Variants in ADAM22 observed in about 807,000 individuals in gnomAD.
The protein encoded by ADAM22 is ADAM metallopeptidase domain 22, also known as disintegrin and metalloproteinase domain-containing protein 22.
A neutral mutation model predicts 144.6 loss-of-function variants in ADAM22; 65 were observed. The ratio of observed to expected loss-of-function variants is 0.45; its 90% CI spans 0.37 to 0.55. ADAM22 has a LOEUF of 0.55. Ranked by LOEUF, ADAM22 falls within the 20% of genes least tolerant of loss-of-function variation. The pLI is 0.00. For synonymous variants in ADAM22, 391 were observed against 412.6 expected (o/e 0.95, Z 0.63); for missense variants, 974 against 1,184.9 (o/e 0.82, Z 2.61).
intron 3 of ADAM22, among the ~76,000 whole-genome samples, chr7:88,038,460 T>G (rs539333585): frequency 6.6e-6 from 1 of 151,670 alleles, no homozygotes; most frequent in Non-Finnish European, 1.5e-5. Flanking sequence ...TCTTTTTTTT[T>G]TTTTTTTCTT....
At chr7:88,036,721 A>G (rs1431958122) in intron 3 of ADAM22, among the ~76,000 whole-genome samples, 3 of 152,234 alleles carry the variant, frequency 2.0e-5, no homozygotes, top group Middle Eastern at 3.4e-3. Flanking sequence ...GTGAATTAGA[A>G]TAAAATGAAA....
chr7:87,937,457 A>G (rs777866177), intron 2 of ADAM22, among the ~76,000 whole-genome samples: 3 of 152,236 alleles, frequency 2.0e-5, no homozygotes, highest in Non-Finnish European at 2.9e-5. Flanking sequence ...AGACTGAGGG[A>G]AGAAGAGATA....
intron 2 of ADAM22, among the ~76,000 whole-genome samples, chr7:87,963,315 G>A (rs1265920896): frequency 6.6e-6 from 1 of 152,068 alleles, no homozygotes; most frequent in African/African-American, 2.4e-5. Context: ...GGGGAAGTTC[G>A]GAGCGACAAC....
intron 4 of ADAM22, among the ~76,000 whole-genome samples, chr7:88,101,334 T>C (rs1822866621): frequency 6.6e-6 from 1 of 151,954 alleles, no homozygotes; most frequent in Non-Finnish European, 1.5e-5. Flanking sequence ...CCAGTGCCCA[T>C]GGAGGGGGAG....
intron 23 of ADAM22, among the ~76,000 whole-genome samples, chr7:88,165,067 G>A (rs1842635738): frequency 6.6e-6 from 1 of 152,186 alleles, no homozygotes; most frequent in East Asian, 1.9e-4. Flanking sequence ...AGAAACCCCT[G>A]TAGTAAAAAC....
chr7:88,098,951 A>G (rs1469313618), intron 4 of ADAM22, among the ~76,000 whole-genome samples: 1 of 152,148 alleles, frequency 6.6e-6, no homozygotes, highest in Admixed American at 6.5e-5. Flanking sequence ...TTTAATGACT[A>G]TGTTGTTAGA....
rs58099116 is a variant in ADAM22, at chr7:88,113,703, AATATAT to A, written c.474-849_474-844del. Among the ~76,000 whole-genome samples the A allele has an allele frequency of 3.9e-3, 190 of 48,112 alleles. 4 individuals are homozygous for A. The East Asian group carries it at 0.058, about 15-fold the overall frequency. 31.6% of individuals were successfully genotyped at this position (48,112 alleles called of 152,430 possible). On this transcript the variant is annotated intron_variant, in intron 5 of 31. Coordinates refer to ENST00000413139, the MANE Select transcript of ADAM22 (RefSeq NM_001324418.2). ...TATATATATTATAAATAAATAAATA[AATATAT>A]ATATATATATATATATATATATATA...
chr7:88,083,112 G>T (rs554691411), intron 4 of ADAM22, among the ~76,000 whole-genome samples: 56 of 152,260 alleles, frequency 3.7e-4, no homozygotes, highest in Middle Eastern at 3.4e-3. Context: ...CGATAGACTG[G>T]ATTAAGAAAA....
intron 3 of ADAM22, among the ~76,000 whole-genome samples, chr7:87,995,303 C>T (rs1790894093): frequency 6.6e-6 from 1 of 152,126 alleles, no homozygotes. Flanking sequence ...TTTTGATATC[C>T]CTTTCCAAAG....
intron 4 of ADAM22, among the ~76,000 whole-genome samples, chr7:88,083,164 A>T (rs889154325): frequency 1.3e-5 from 2 of 152,226 alleles, no homozygotes; most frequent in Non-Finnish European, 2.9e-5. Flanking sequence ...AGCCATAAAA[A>T]ATGATGAGCT....
At chr7:88,108,285 T>C (rs1352145213) in intron 5 of ADAM22, 27 bp downstream of exon 5, 2 of 1,583,558 alleles carry the variant, frequency 1.3e-6, no homozygotes, top group South Asian at 2.3e-5. Context: ...TTATTTTTAC[T>C]GTTTGTTTTT....
intron 3 of ADAM22, among the ~76,000 whole-genome samples, chr7:88,063,365 C>A (rs1001451704): frequency 6.6e-6 from 1 of 151,984 alleles, no homozygotes; most frequent in Admixed American, 6.6e-5. Flanking sequence ...AATAAAAGTT[C>A]TCCCAGAAAA....
chr7:87,977,974 G>A (rs1435098663), intron 2 of ADAM22, among the ~76,000 whole-genome samples: 1 of 152,098 alleles, frequency 6.6e-6, no homozygotes, highest in Non-Finnish European at 1.5e-5. Flanking sequence ...TTCTTGAATT[G>A]AGCATATTTT....
chr7:88,019,857 ATGTGTGTGTGTGTGTG>A (rs35909431), intron 3 of ADAM22, among the ~76,000 whole-genome samples: 88 of 139,054 alleles, frequency 6.3e-4, no homozygotes, highest in African/African-American at 1.2e-3. Flanking sequence ...CTCAAAAAAT[ATGTGTGTGTGTGTGTG>A]TGTGTGTGTG....
intron 2 of ADAM22, among the ~76,000 whole-genome samples, chr7:87,952,232 GA>G (rs1184536336): frequency 2.0e-5 from 3 of 151,650 alleles, no homozygotes; most frequent in African/African-American, 7.3e-5. Flanking sequence ...TTTTCAAAGG[GA>G]ATGCTTCCAG....
At chr7:88,063,034 T>C (rs1398076906) in intron 3 of ADAM22, among the ~76,000 whole-genome samples, 1 of 152,204 alleles carries the variant, frequency 6.6e-6, no homozygotes, top group African/African-American at 2.4e-5. Context: ...AAGTTTTAAA[T>C]ATTGTGAGAA....
chr7:88,163,187 A>T lies in ADAM22; in HGVS notation c.2076+7A>T, dbSNP rs747810440. On this transcript the variant is annotated splice_region_variant and intron_variant, in intron 23 of 31. Transcript: ENST00000413139. ...TATTTGCTCAGGAAATGGAGTAAGT[A>T]TCCAGTACCTTGTCAGAATCTATTT... The T allele has an allele frequency of 1.9e-6, 3 of 1,583,252 alleles. No homozygotes were observed. In the South Asian group the frequency reaches 3.5e-5, roughly 19 times the overall value.
At chr7:87,966,206 G>C (rs927123586) in intron 2 of ADAM22, among the ~76,000 whole-genome samples, 3 of 152,192 alleles carry the variant, frequency 2.0e-5, no homozygotes, top group Admixed American at 1.3e-4. Context: ...CCAGAAAAGA[G>C]TATCCATTTC....
rs549582574 is a variant in ADAM22 at position 88,146,975 on chromosome 7, C to T, written c.1485+1468C>T. On this transcript the variant is annotated intron_variant, in intron 17 of 31. Coordinates refer to ENST00000413139, the MANE Select transcript of ADAM22 (RefSeq NM_001324418.2). Reference sequence around the variant, plus strand: ...TTATTCTGTCAGCTTTTTCCACTGCCGTAACAAGACATCCTGAATTATTTA... The same window carrying T: ...TTATTCTGTCAGCTTTTTCCACTGCTGTAACAAGACATCCTGAATTATTTA... Among the ~76,000 whole-genome samples the T allele has an allele frequency of 5.2e-3, 792 of 152,292 alleles. 11 individuals are homozygous for T. The highest frequency in any genetic ancestry group is 0.018 in the African/African-American group (749 of 41,552).
Sources: gnomAD v4.1 joint callset for allele counts (sites outside exome capture counted in the v4.1 genomes callset) on GRCh38, gnomAD v4.1.1 for gene constraint, MANE v1.5 for transcripts, NCBI Gene and HGNC (gene_info 2026-07-23, HGNC 2026-07-21) for gene names.